Variants in FOXI3 observed in about 807,000 individuals in gnomAD.
FOXI3 encodes the protein forkhead box protein I3.
FOXI3 carries 4 observed loss-of-function variants against 15.6 expected under a neutral mutation model. The ratio of observed to expected loss-of-function variants is 0.26; its 90% CI spans 0.13 to 0.59. The LOEUF (loss-of-function observed/expected upper bound fraction) is 0.59. FOXI3 is among the 20% of genes least tolerant of loss of function. The probability of loss-of-function intolerance (pLI) is 0.90; values close to 1 mark genes in which losing one functional copy is unlikely to be tolerated. For synonymous variants in FOXI3, 238 were observed against 244.4 expected, an observed-to-expected ratio of 0.97 and a Z score of 0.25; for missense variants, 489 against 548.2, an observed-to-expected ratio of 0.89 and a Z score of 1.08.
Position 88,448,161 on chromosome 2 carries a change from A to T in FOXI3, c.*46T>A. On this transcript the variant is annotated 3_prime_UTR_variant, in exon 2 of 2. Transcript: ENST00000428390. ...ACTTGGAATCTGCATTCTAATCAGC[A>T]TGTGTGCACGCCTCAGGTGTGCATA... 1 of 1,485,446 alleles carries T rather than the reference A, an allele frequency of 6.7e-7. No individual in the cohort carries two copies. The highest frequency in any genetic ancestry group is 9.1e-7 in the Non-Finnish European group (1 of 1,096,742). The allele number at this position is 1,485,446 out of a possible 1,614,324, so 92.0% of individuals were successfully genotyped here. A position where few individuals can be genotyped will look rare whatever the true frequency, so the allele number is the denominator to read the frequency against.
rs1432243816 is a variant in FOXI3, at chr2:88,447,497, G to T, written c.*710C>A. ...GAGGCGGGTGGATCACCTGAGGTCA[G>T]GAGTTTGAGACCAGCCTGGCCAACA... On this transcript the variant is annotated 3_prime_UTR_variant, in exon 2 of 2. Transcript: ENST00000428390. 6.6e-6 allele frequency: 1 copy of T among 152,246 alleles called. No individual in the cohort carries two copies. Among genetic ancestry groups the T allele is most frequent in the African/African-American group, 2.4e-5 (1 of 41,438 alleles). 9.4% of individuals were successfully genotyped at this position (152,246 alleles called of 1,614,324 possible).
At position 88,448,276 on chromosome 2, in the gene FOXI3, G is replaced by A. The variant is rs1675976356; in HGVS notation, c.1194C>T (p.Phe398=). The A allele has an allele frequency of 1.3e-6, 2 of 1,551,602 alleles. No homozygotes were observed. Among genetic ancestry groups the A allele is most frequent in the Non-Finnish European group, 1.7e-6 (2 of 1,147,004 alleles). The change falls in exon 2 of 2, where the codon TTC becomes TTT. Residue 398 remains phenylalanine (F), a synonymous_variant. Transcript: ENST00000428390. ...TGCTAAAGTTGTGGAAAGGGCTGCT[G>A]AAGGGGCTGCTTTGCCCCCCGCTGG... ...ASTSGGQSSP[F]SSPFHNFSMV... is the part of the protein sequence containing the mutation.
intron 1 of FOXI3, among the ~76,000 whole-genome samples, chr2:88,451,001 C>T (rs1441669060): frequency 3.3e-5 from 5 of 152,222 alleles, no homozygotes; most frequent in Admixed American, 3.3e-4. Flanking sequence ...ACATAATTTA[C>T]ACAAAATCCT....
chr2:88,449,207 A>G (rs937224863), intron 1 of FOXI3, among the ~76,000 whole-genome samples: 7 of 151,412 alleles, frequency 4.6e-5, no homozygotes, highest in African/African-American at 1.7e-4. Flanking sequence ...GGGCCAACAT[A>G]GTGAGATCTC....
rs187343162 is a variant in FOXI3, at chr2:88,448,837, G to A, written c.641-8C>T. The A allele has an allele frequency of 6.7e-4, 1,031 of 1,543,828 alleles. 2 individuals are homozygous for A. The highest frequency in any genetic ancestry group is 8.3e-4 in the Non-Finnish European group (949 of 1,142,584). The stretch of plus-strand genomic sequence containing the variant: ...TCCAATAATTACCCTTTCCTGAGAA[G>A]ATGAGAAAGACCAAGTTAGAGAAGG... On this transcript the variant is annotated splice_polypyrimidine_tract_variant and splice_region_variant and intron_variant, in intron 1 of 1. Transcript: ENST00000428390.
rs1676065008 is a variant in FOXI3 at position 88,452,284 on chromosome 2, G to A, written c.252C>T (p.Pro84=). The A allele has an allele frequency of 1.0e-6, 1 of 981,426 alleles. No homozygotes were observed. Among genetic ancestry groups the A allele is most frequent in the African/African-American group, 1.8e-5 (1 of 56,556 alleles). The allele number at this position is 981,426 out of a possible 1,614,324, so 60.8% of individuals were successfully genotyped here. The change falls in exon 1 of 2, where the codon CCC becomes CCT. Residue 84 remains proline, a synonymous_variant. Coordinates refer to ENST00000428390, the MANE Select transcript of FOXI3 (RefSeq NM_001135649.3). ...GAAAGGGCCCGGCCGCGGCCCCGGG[G>A]GGCGGCGGCGGCGGCGGAGCGCCCA... The part of the protein sequence containing the change: ...AYLGAPPPPP[P]PGAAAGPFLQ...
At position 88,447,830 on chromosome 2, in the gene FOXI3, A is replaced by G. The variant is rs1312183238; in HGVS notation, c.*377T>C. Reference sequence around the variant, plus strand: ...ACTGATGTTAGTTTTCTCACCCAGTAACTTCGTTGGCTTGTGTTTTTTTAG... The same window carrying G: ...ACTGATGTTAGTTTTCTCACCCAGTGACTTCGTTGGCTTGTGTTTTTTTAG... On this transcript the variant is annotated 3_prime_UTR_variant, in exon 2 of 2. Coordinates refer to ENST00000428390, the MANE Select transcript of FOXI3 (RefSeq NM_001135649.3). The G allele has an allele frequency of 9.6e-6, 2 of 209,420 alleles. No individual in the cohort carries two copies. Among genetic ancestry groups the G allele is most frequent in the Non-Finnish European group, 1.9e-5 (2 of 102,888 alleles). 13.0% of individuals were successfully genotyped at this position (209,420 alleles called of 1,614,324 possible).
intron 1 of FOXI3, among the ~76,000 whole-genome samples, chr2:88,449,225 C>CAAA: frequency 1.1e-5 from 1 of 91,814 alleles, no homozygotes. Flanking sequence ...CTCGTGTCTA[C>CAAA]AAAAAAAAAA....
chr2:88,451,806 G>A, intron 1 of FOXI3, 90 bp downstream of exon 1: 1 of 1,531,798 alleles, frequency 6.5e-7, no homozygotes, highest in South Asian at 1.2e-5. Context: ...ACTCCTGGCA[G>A]ATCTTCCAGC....
In FOXI3 at chr2:88,452,426, T is replaced by A; in HGVS notation, c.110A>T (p.Tyr37Phe). 9.8e-7 allele frequency: 1 copy of A among 1,016,796 alleles called. No homozygotes were observed. Among genetic ancestry groups the A allele is most frequent in the Non-Finnish European group, 1.2e-6 (1 of 853,866 alleles). 63.0% of individuals were successfully genotyped at this position (1,016,796 alleles called of 1,614,324 possible). The change falls in exon 1 of 2, where the codon TAC (tyrosine) becomes TTC (phenylalanine). Residue 37 changes from tyrosine to phenylalanine, a missense_variant. Physicochemically the swap from Tyr to Phe is conservative, Grantham distance 22. Transcript: ENST00000428390. ...PGAPPAARAPYGLADYAAPPA... is the reference protein window; with the variant it reads ...PGAPPAARAPFGLADYAAPPA... Reference sequence around the variant, plus strand: ...CGGCGCGGCGTAGTCGGCCAGCCCGTAAGGCGCCCTGGCTGCCGGGGGGGC... The same window carrying A: ...CGGCGCGGCGTAGTCGGCCAGCCCGAAAGGCGCCCTGGCTGCCGGGGGGGC...
chr2:88,451,439 A>T (rs1330210006), intron 1 of FOXI3, among the ~76,000 whole-genome samples: 1 of 152,112 alleles, frequency 6.6e-6, no homozygotes, highest in Non-Finnish European at 1.5e-5. Flanking sequence ...GATGAGGAGG[A>T]AGTGCACCTA....
chr2:88,448,341 C>A lies in FOXI3; in HGVS notation c.1129G>T (p.Gly377Cys). ...QLSNSTSNST[G>C]QRSSYYSPFP... The stretch of plus-strand genomic sequence containing the variant: ...GGGCTGTAATAGGAAGATCTCTGGC[C>A]GGTGCTATTGCTGGTGCTATTGCTC... The change falls in exon 2 of 2, where the codon GGC (glycine) becomes TGC (cysteine). Residue 377 changes from glycine to cysteine, a missense_variant. Gly to Cys is a radical substitution (Grantham distance 159). Coordinates refer to ENST00000428390, the MANE Select transcript of FOXI3 (RefSeq NM_001135649.3). 2 of 1,551,604 alleles carry A rather than the reference C, an allele frequency of 1.3e-6. No homozygotes were observed. Among genetic ancestry groups the A allele is most frequent in the Admixed American group, 2.0e-5 (1 of 50,992 alleles).
At position 88,452,457 on chromosome 2, in the gene FOXI3, GGGCGGCGGCGGT is replaced by G. The variant is rs1361087698; in HGVS notation, c.67_78del (p.Thr23_Ala26del). ...GCCCTGGCTGCCGGGGGGGCGCCCGGGGCGGCGGCGGTGGCGGCGGGCGGGGGCAGGCCGGGC... is the reference window on the plus strand; with the variant it reads ...GCCCTGGCTGCCGGGGGGGCGCCCGGGGCGGCGGGCGGGGGCAGGCCGGGC... On this transcript the variant is annotated inframe_deletion, in exon 1 of 2. Transcript: ENST00000428390. 2 of 1,060,304 alleles carry G rather than the reference GGGCGGCGGCGGT, an allele frequency of 1.9e-6. No homozygotes were observed. Among genetic ancestry groups the G allele is most frequent in the East Asian group, 6.6e-5 (1 of 15,094 alleles). The allele number at this position is 1,060,304 out of a possible 1,614,324, so 65.7% of individuals were successfully genotyped here.
Position 88,452,309 on chromosome 2 carries a change from A to T in FOXI3, c.227T>A (p.Leu76Gln). Residue 76 changes from leucine (L) to glutamine (Q), a missense_variant, in exon 1 of 2, where the codon CTG (leucine) becomes CAG (glutamine). Leu to Gln is a moderately radical substitution (Grantham distance 113). Around this residue, in one of 3 missense-constraint regions of FOXI3, gnomAD observed 224 missense variants for 245.7 expected, o/e 0.91. Transcript: ENST00000428390. ...GGGCGGCGGCGGCGGCGGAGCGCCCAGGTACGCGGCGGCGGCTGCGGCGGC... is the reference window on the plus strand; with the variant it reads ...GGGCGGCGGCGGCGGCGGAGCGCCCTGGTACGCGGCGGCGGCTGCGGCGGC... ...SAAAAAAAAYLGAPPPPPPPG... is the reference protein window; with the variant it reads ...SAAAAAAAAYQGAPPPPPPPG... 1 of 980,932 alleles carries T rather than the reference A, an allele frequency of 1.0e-6. No homozygotes were observed. Among genetic ancestry groups the T allele is most frequent in the Non-Finnish European group, 1.2e-6 (1 of 828,800 alleles). 60.8% of individuals were successfully genotyped at this position (980,932 alleles called of 1,614,324 possible).
rs781068359 is a variant in FOXI3 at position 88,452,042 on chromosome 2, T to C, written c.494A>G (p.Lys165Arg). Reference protein sequence around the residue: ...AMAIQSAPERKLTLSHIYQFV... With the variant: ...AMAIQSAPERRLTLSHIYQFV... ...CTGGTAGATGTGGCTGAGAGTGAGT[T>C]TGCGCTCGGGCGCGCTCTGAATGGC... is the stretch of plus-strand genomic sequence containing the variant. Residue 165 changes from lysine to arginine, a missense_variant, in exon 1 of 2, where the codon AAA (lysine) becomes AGA (arginine). Around this residue, in one of 3 missense-constraint regions of FOXI3, gnomAD observed 224 missense variants for 245.7 expected, o/e 0.91. Transcript: ENST00000428390. 9.4e-6 allele frequency: 15 copies of C among 1,597,460 alleles called. No individual in the cohort carries two copies. Among genetic ancestry groups the C allele is most frequent in the Non-Finnish European group, 1.3e-5 (15 of 1,172,344 alleles).
Position 88,448,235 on chromosome 2 carries a change from A to G in FOXI3, c.1235T>C (p.Ile412Thr), listed in dbSNP as rs1330811649. The G allele has an allele frequency of 3.2e-6, 5 of 1,551,488 alleles. No homozygotes were observed. The South Asian group carries it at 6.0e-5, about 18-fold the overall frequency. ...FHNFSMVNSLIYPREGSEV is the reference protein window; with the variant it reads ...FHNFSMVNSLTYPREGSEV ...CACCTCGGAGCCCTCTCGGGGGTAG[A>G]TGAGGCTGTTCACCATGCTAAAGTT... Residue 412 changes from isoleucine (I) to threonine (T), a missense_variant, in exon 2 of 2, where the codon ATC becomes ACC. Physicochemically the swap from Ile to Thr is moderately conservative, Grantham distance 89. Around this residue, in one of 3 missense-constraint regions of FOXI3, gnomAD observed 263 missense variants for 285.5 expected, o/e 0.92. Coordinates refer to ENST00000428390, the MANE Select transcript of FOXI3 (RefSeq NM_001135649.3).
rs542538012 is a variant in FOXI3 at position 88,447,392 on chromosome 2, A to T, written c.*815T>A. On this transcript the variant is annotated 3_prime_UTR_variant, in exon 2 of 2. Transcript: ENST00000428390. ...TTGGAGGTTTCCTATAAAAATTCAG[A>T]TATCTGGCTCTTCTATAAAAATCAG... The T allele has an allele frequency of 3.9e-5, 6 of 152,340 alleles. No individual in the cohort carries two copies. The highest frequency in any genetic ancestry group is 1.4e-4 in the African/African-American group (6 of 41,592). 9.4% of individuals were successfully genotyped at this position (152,340 alleles called of 1,614,324 possible).
intron 1 of FOXI3, among the ~76,000 whole-genome samples, chr2:88,450,753 A>T (rs983694010): frequency 6.6e-6 from 1 of 152,212 alleles, no homozygotes; most frequent in African/African-American, 2.4e-5. Context: ...GCCACTAGCC[A>T]CGCATTATTA....
rs1403627601 is a variant in FOXI3, at chr2:88,448,465, A to T, written c.1005T>A (p.Pro335=). Residue 335 remains proline (P), a synonymous_variant, in exon 2 of 2, where the codon CCT becomes CCA. Coordinates refer to ENST00000428390, the MANE Select transcript of FOXI3 (RefSeq NM_001135649.3). ...SSSVSTQRAL[P]GSRHLGIQGA... is the part of the protein sequence containing the mutation. ...CCTGGATCCCTAGGTGGCGGCTGCC[A>T]GGGAGAGCCCGCTGGGTACTCACAC... 8 of 1,551,690 alleles carry T rather than the reference A, an allele frequency of 5.2e-6. No homozygotes were observed. The East Asian group carries it at 2.0e-4, about 38-fold the overall frequency.
Sources: allele counts gnomAD v4.1 joint callset (sites outside exome capture counted in the v4.1 genomes callset), GRCh38; gene constraint gnomAD v4.1.1; regional missense constraint gnomAD v4.1.1; transcripts MANE v1.5; gene names NCBI Gene and HGNC (gene_info 2026-07-23, HGNC 2026-07-21).